Variants in SPTB observed in about 807,000 individuals in gnomAD.
SPTB encodes the protein spectrin beta chain, erythrocytic.
SPTB carries 45 observed loss-of-function variants against 256.2 expected under a neutral mutation model. That is an observed-to-expected ratio of 0.18 (90% confidence interval 0.14 to 0.23). The LOEUF (loss-of-function observed/expected upper bound fraction) is 0.23, where lower values mean the gene tolerates loss of function less well. Ranked by LOEUF, SPTB falls within the 10% of genes least tolerant of loss-of-function variation. The probability of loss-of-function intolerance (pLI) is 1.00; values close to 1 mark genes in which losing one functional copy is unlikely to be tolerated. For synonymous variants in SPTB, 1,231 were observed against 1,243.1 expected, an observed-to-expected ratio of 0.99 and a Z score of 0.21; for missense variants, 2,715 against 3,040.4, an observed-to-expected ratio of 0.89 and a Z score of 2.52.
intron 2 of SPTB, among the ~76,000 whole-genome samples, chr14:64,811,159 C>T (rs1370288260): frequency 6.6e-6 from 1 of 151,836 alleles, no homozygotes; most frequent in East Asian, 1.9e-4. Flanking sequence ...CAAAGTCAAA[C>T]AAATGAGCAA....
chr14:64,758,826 G>A lies in SPTB; in HGVS notation c.6346-5033C>T, dbSNP rs1267461049. ...GAGCCTGACACAGCCCTGCAAGTAT[G>A]TGAGTGTGTATGTGTATGTAAAGAT... On this transcript the variant is annotated intron_variant, in intron 32 of 35. Coordinates refer to ENST00000644917, the MANE Select transcript of SPTB (RefSeq NM_001355436.2). The surrounding 1 kb of genome is among the most constrained non-coding windows in gnomAD (Gnocchi z 4.6). 2.6e-5 allele frequency among the ~76,000 whole-genome samples: 4 copies of A among 152,142 alleles called. No homozygotes were observed. The highest frequency in any genetic ancestry group is 9.7e-5 in the African/African-American group (4 of 41,428).
In SPTB at chr14:64,784,322, G is replaced by C. The variant is rs767333869; in HGVS notation, c.3927C>G (p.His1309Gln). 1.2e-6 allele frequency: 2 copies of C among 1,614,136 alleles called. No homozygotes were observed. Among genetic ancestry groups the C allele is most frequent in the African/African-American group, 1.3e-5 (1 of 74,942 alleles). Residue 1309 changes from histidine to glutamine, a missense_variant, in exon 19 of 36, where the codon CAC (histidine) becomes CAG (glutamine). This residue lies in a region of SPTB where 2,239 missense variants were observed against 2,384.4 expected (regional missense o/e 0.94). Coordinates refer to ENST00000644917, the MANE Select transcript of SPTB (RefSeq NM_001355436.2). ...ACGCCTGGTGCTTTAGCCATTTATTGTGAAGGTTTCGTGCTTCATCATAGG... is the reference window on the plus strand; with the variant it reads ...ACGCCTGGTGCTTTAGCCATTTATTCTGAAGGTTTCGTGCTTCATCATAGG... ...DVSYDEARNL[H>Q]NKWLKHQAFV...
At position 64,786,986 on chromosome 14, in the gene SPTB, G is replaced by C. The variant is rs764571605; in HGVS notation, c.2979C>G (p.Ile993Met). 6.1e-5 allele frequency: 99 copies of C among 1,614,010 alleles called. No individual in the cohort carries two copies. Among genetic ancestry groups the C allele is most frequent in the Non-Finnish European group, 5.9e-6 (7 of 1,180,048 alleles). ...GCTCCAGCCCTGACAACTTCCTCTG[G>C]ATGGCGATGATACCTGCCAGGTCCC... ...LGRDLAGIIA[I>M]QRKLSGLERD... The change falls in exon 16 of 36, where the codon ATC becomes ATG. Residue 993 changes from isoleucine (I) to methionine (M), a missense_variant. By Grantham distance (10) the Ile-to-Met change is conservative. Coordinates refer to ENST00000644917, the MANE Select transcript of SPTB (RefSeq NM_001355436.2). The surrounding 1 kb of genome is among the most constrained non-coding windows in gnomAD (Gnocchi z 5.6).
At chr14:64,871,210 T>C (rs1360145557) in intron 1 of SPTB, among the ~76,000 whole-genome samples, 1 of 152,214 alleles carries the variant, frequency 6.6e-6, no homozygotes, top group African/African-American at 2.4e-5. Flanking sequence ...GAGAGATTAC[T>C]GTGGAGTGGA....
At position 64,795,762 on chromosome 14, in the gene SPTB, A is replaced by T; in HGVS notation, c.1342-123T>A. The T allele has an allele frequency of 9.7e-7, 1 of 1,035,380 alleles. No homozygotes were observed. Among genetic ancestry groups the T allele is most frequent in the Non-Finnish European group, 1.5e-6 (1 of 687,162 alleles). The allele number at this position is 1,035,380 out of a possible 1,614,324, so 64.1% of individuals were successfully genotyped here. A position where few individuals can be genotyped will look rare whatever the true frequency, so the allele number is the denominator to read the frequency against. On this transcript the variant is annotated intron_variant, in intron 11 of 35. Transcript: ENST00000644917. The surrounding 1 kb of genome is among the most constrained non-coding windows in gnomAD (Gnocchi z 6.5). ...ATGGGAAAGCACATTCCCAAGAAGC[A>T]GCTAGTTCTGCCTTACTTTTGCAGC...
rs1008044925 is a variant in SPTB, at chr14:64,787,310, G to A, written c.2805-150C>T. 32 of 1,053,404 alleles carry A rather than the reference G, an allele frequency of 3.0e-5. No individual in the cohort carries two copies. In the East Asian group the frequency reaches 4.2e-4, roughly 14 times the overall value. 65.3% of individuals were successfully genotyped at this position (1,053,404 alleles called of 1,614,324 possible). On this transcript the variant is annotated intron_variant, in intron 15 of 35. Transcript: ENST00000644917. The stretch of plus-strand genomic sequence containing the variant: ...AAAGAAAAAAAAAAATCTACCTAAC[G>A]AAGTGTAGGTGAGCAAAATTCACTT...
chr14:64,858,258 G>C (rs981706184), intron 1 of SPTB, among the ~76,000 whole-genome samples: 1 of 152,178 alleles, frequency 6.6e-6, no homozygotes, highest in Admixed American at 6.5e-5. Flanking sequence ...GTAAGAGCTA[G>C]GTAACATGGA....
chr14:64,839,601 C>G (rs574948617), intron 1 of SPTB, among the ~76,000 whole-genome samples: 150 of 152,170 alleles, frequency 9.9e-4, no homozygotes, highest in Admixed American at 1.6e-3. Context: ...CATATTAAAA[C>G]TAAAATTATA....
In SPTB at chr14:64,854,190, TCAAAA is replaced by T. The variant is rs542125588; in HGVS notation, c.-52+25597_-52+25601del. Among the ~76,000 whole-genome samples the T allele has an allele frequency of 5.8e-4, 83 of 143,690 alleles. 1 individual carries two copies. In the East Asian group the frequency reaches 0.015, roughly 26 times the overall value. 94.3% of individuals were successfully genotyped at this position (143,690 alleles called of 152,430 possible). ...CTGGGCGACAGAGTGAGACTCCGCC[TCAAAA>T]CAAAACAAAACAAAACAAACAAACA... On this transcript the variant is annotated intron_variant, in intron 1 of 35. Transcript: ENST00000644917.
At chr14:64,804,882 C>T (rs79206695) in intron 3 of SPTB, 57 bp downstream of exon 3, 1 of 1,610,114 alleles carries the variant, frequency 6.2e-7, no homozygotes. Context: ...CCAAACCATG[C>T]CTTTGCTGAA....
rs191604100 is a variant in SPTB, at chr14:64,832,203, C to T, written c.-51-9058G>A. Among the ~76,000 whole-genome samples, 37 of 152,328 alleles carry T rather than the reference C, an allele frequency of 2.4e-4. No individual in the cohort carries two copies. In the South Asian group the frequency reaches 4.1e-3, roughly 17 times the overall value. ...ACTCAACTCACTGAAATCTGGCTTCCGCCCTCACTCCATGAAGCTATTCTT... is the reference window on the plus strand; with the variant it reads ...ACTCAACTCACTGAAATCTGGCTTCTGCCCTCACTCCATGAAGCTATTCTT... On this transcript the variant is annotated intron_variant, in intron 1 of 35. Coordinates refer to ENST00000644917, the MANE Select transcript of SPTB (RefSeq NM_001355436.2).
Position 64,806,070 on chromosome 14 carries a change from A to G in SPTB, c.149-980T>C, listed in dbSNP as rs1381046188. 6.6e-6 allele frequency among the ~76,000 whole-genome samples: 1 copy of G among 152,034 alleles called. No homozygotes were observed. The highest frequency in any genetic ancestry group is 1.9e-4 in the East Asian group (1 of 5,182). On this transcript the variant is annotated intron_variant, in intron 2 of 35. Coordinates refer to ENST00000644917, the MANE Select transcript of SPTB (RefSeq NM_001355436.2). This position sits in a 1 kb window ranked among gnomAD's most constrained non-coding sequence, Gnocchi z 4.1. ...TGGTGGTCTGTCCAAGTTAGGCACC[A>G]GCATTACCTGGGGAAGCTCAGACAA...
chr14:64,861,541 A>G (rs2083971798), intron 1 of SPTB, among the ~76,000 whole-genome samples: 1 of 152,166 alleles, frequency 6.6e-6, no homozygotes, highest in African/African-American at 2.4e-5. Context: ...AGCCTCCCAG[A>G]GATTTCCAGC....
Position 64,793,968 on chromosome 14 carries a change from T to A in SPTB, c.1796-101A>T. The A allele has an allele frequency of 7.8e-7, 1 of 1,282,450 alleles. No individual in the cohort carries two copies. Among genetic ancestry groups the A allele is most frequent in the South Asian group, 1.5e-5 (1 of 66,550 alleles). 79.4% of individuals were successfully genotyped at this position (1,282,450 alleles called of 1,614,324 possible). A position where few individuals can be genotyped will look rare whatever the true frequency, so the allele number is the denominator to read the frequency against. On this transcript the variant is annotated intron_variant, in intron 13 of 35. Coordinates refer to ENST00000644917, the MANE Select transcript of SPTB (RefSeq NM_001355436.2). This position sits in a 1 kb window ranked among gnomAD's most constrained non-coding sequence, Gnocchi z 7.0. ...GGTTGGAACTACACAACCCTGAAGC[T>A]GCCATGTCACTGGGGCTTTGGGGTT...
chr14:64,780,212 G>A (rs2139535688), intron 20 of SPTB, among the ~76,000 whole-genome samples: 1 of 152,292 alleles, frequency 6.6e-6, no homozygotes, highest in African/African-American at 2.4e-5. Context: ...GTCCAGTTAA[G>A]AGGAAGAGTA....
At chr14:64,867,581 C>A (rs991891874) in intron 1 of SPTB, among the ~76,000 whole-genome samples, 1 of 152,042 alleles carries the variant, frequency 6.6e-6, no homozygotes, top group African/African-American at 2.4e-5. Context: ...GTGCTGGGTG[C>A]GGAGGCTTAT....
At position 64,767,680 on chromosome 14, in the gene SPTB, G is replaced by A; in HGVS notation, c.6202C>T (p.Leu2068=). ...CTGCTCACCGTGGTGGGCTTCTCCA[G>A]GGCAGCAAAGCGCTCTGCCCAGCTG... ...TASWAERFAA[L]EKPTTLELKE... The change falls in exon 30 of 36, where the codon CTG becomes TTG. Residue 2068 remains leucine (L), a synonymous_variant. Transcript: ENST00000644917. 6.2e-7 allele frequency: 1 copy of A among 1,614,106 alleles called. No homozygotes were observed. Among genetic ancestry groups the A allele is most frequent in the Non-Finnish European group, 8.5e-7 (1 of 1,180,032 alleles).
In SPTB at chr14:64,787,094, G is replaced by A. The variant is rs2082585333; in HGVS notation, c.2871C>T (p.His957=). 2.5e-6 allele frequency: 4 copies of A among 1,611,290 alleles called. No homozygotes were observed. The highest frequency in any genetic ancestry group is 1.7e-6 in the Non-Finnish European group (2 of 1,179,976). ...TCTCCTCGCAATCTACGCAGTAGTT[G>A]TGCACTCGGAGGGCTGAGTCCACAG... ...REAVDSALRV[H]NYCVDCEETS... Residue 957 remains histidine, a synonymous_variant, in exon 16 of 36, where the codon CAC becomes CAT. Transcript: ENST00000644917.
chr14:64,767,762 T>C lies in SPTB; in HGVS notation c.6120A>G (p.Thr2040=), dbSNP rs761821999. 6.2e-7 allele frequency: 1 copy of C among 1,614,158 alleles called. No homozygotes were observed. Among genetic ancestry groups the C allele is most frequent in the Non-Finnish European group, 8.5e-7 (1 of 1,180,012 alleles). The stretch of plus-strand genomic sequence containing the variant: ...TGATGAGCTTCTCCACACTGTCCAC[T>C]GTGTGTCCAAAGTCCCCGCTGGCCA... ...PYLASGDFGH[T]VDSVEKLIKR... The change falls in exon 30 of 36, where the codon ACA becomes ACG. Residue 2040 remains threonine, a synonymous_variant. Coordinates refer to ENST00000644917, the MANE Select transcript of SPTB (RefSeq NM_001355436.2).
Sources: allele counts gnomAD v4.1 joint callset (sites outside exome capture counted in the v4.1 genomes callset), GRCh38; gene constraint gnomAD v4.1.1; regional missense constraint gnomAD v4.1.1; non-coding constraint Gnocchi (gnomAD v3.1); transcripts MANE v1.5; gene names NCBI Gene and HGNC (gene_info 2026-07-23, HGNC 2026-07-21).